SND1: variants seen among roughly 807,000 people sequenced by gnomAD.
The protein encoded by SND1 is staphylococcal nuclease and tudor domain containing 1, also known as staphylococcal nuclease domain-containing protein 1.
A neutral mutation model predicts 121.7 loss-of-function variants in SND1; 38 were observed. That is an observed-to-expected ratio of 0.31 (90% confidence interval 0.24 to 0.41). The LOEUF (loss-of-function observed/expected upper bound fraction) is 0.41. SND1 is among the 10% of genes least tolerant of loss of function. The pLI is 1.00. For synonymous variants in SND1, 401 were observed against 447.4 expected, an observed-to-expected ratio of 0.90 and a Z score of 1.31; for missense variants, 868 against 1,184.6, an observed-to-expected ratio of 0.73 and a Z score of 3.92.
intron 9 of SND1, among the ~76,000 whole-genome samples, chr7:127,713,631 A>G (rs1587614306): frequency 6.6e-6 from 1 of 152,242 alleles, no homozygotes; most frequent in South Asian, 2.1e-4. Context: ...AGGGTAACCT[A>G]TGGCCTCTAA....
chr7:127,902,807 C>A (rs1022920079), intron 13 of SND1, among the ~76,000 whole-genome samples: 4 of 152,112 alleles, frequency 2.6e-5, no homozygotes, highest in African/African-American at 9.7e-5. Context: ...ACCTCCACCT[C>A]CTGAGTTCAA....
chr7:127,868,257 C>T (rs930603763), intron 12 of SND1, among the ~76,000 whole-genome samples: 4 of 152,020 alleles, frequency 2.6e-5, no homozygotes, highest in Admixed American at 1.3e-4. Flanking sequence ...TAGCAGCATG[C>T]GCCTATAGTC....
intron 10 of SND1, among the ~76,000 whole-genome samples, chr7:127,798,026 TAGA>T (rs1182073818): frequency 6.6e-6 from 1 of 152,188 alleles, no homozygotes; most frequent in Non-Finnish European, 1.5e-5. Flanking sequence ...TGTAATTGAG[TAGA>T]AGAACACTCT....
chr7:127,808,535 A>G (rs1798281115), intron 11 of SND1, among the ~76,000 whole-genome samples: 1 of 152,202 alleles, frequency 6.6e-6, no homozygotes, highest in South Asian at 2.1e-4. Context: ...TATAAATACA[A>G]CCATTTTTAT....
At chr7:127,970,445 T>G (rs1471618836) in intron 15 of SND1, among the ~76,000 whole-genome samples, 1 of 152,214 alleles carries the variant, frequency 6.6e-6, no homozygotes, top group Non-Finnish European at 1.5e-5. Flanking sequence ...AGCTATAACA[T>G]TTTGTGATTC....
At chr7:128,088,917 G>GT (rs1227605107) in intron 21 of SND1, among the ~76,000 whole-genome samples, 10 of 152,158 alleles carry the variant, frequency 6.6e-5, no homozygotes, top group African/African-American at 2.2e-4. Context: ...GGGCAGGTGG[G>GT]TGGGAGCACA....
intron 10 of SND1, among the ~76,000 whole-genome samples, chr7:127,765,804 G>T (rs1797399942): frequency 6.6e-6 from 1 of 152,072 alleles, no homozygotes; most frequent in South Asian, 2.1e-4. Flanking sequence ...TAATTAATAG[G>T]TTTGCAGCAC....
chr7:127,785,963 A>C (rs1797804981), intron 10 of SND1, among the ~76,000 whole-genome samples: 2 of 152,224 alleles, frequency 1.3e-5, no homozygotes, highest in South Asian at 4.1e-4. Flanking sequence ...GTACAGAAGA[A>C]AATAAAACAA....
chr7:127,801,306 A>AT (rs1798123675), intron 10 of SND1, among the ~76,000 whole-genome samples: 1 of 152,070 alleles, frequency 6.6e-6, no homozygotes, highest in Non-Finnish European at 1.5e-5. Flanking sequence ...CTCAATTTAC[A>AT]TTTTTCTGAC....
At chr7:127,788,948 T>A (rs1435584454) in intron 10 of SND1, among the ~76,000 whole-genome samples, 2 of 152,232 alleles carry the variant, frequency 1.3e-5, no homozygotes, top group Non-Finnish European at 2.9e-5. Flanking sequence ...GTTCTTATAG[T>A]ACCTTGTATA....
chr7:127,983,744 T>A (rs1349248659), intron 15 of SND1, among the ~76,000 whole-genome samples: 1 of 152,144 alleles, frequency 6.6e-6, no homozygotes, highest in East Asian at 1.9e-4. Context: ...ATATATAAAA[T>A]GAAATCACAA....
At chr7:127,693,378 T>C (rs1046710606) in intron 2 of SND1, among the ~76,000 whole-genome samples, 1 of 152,196 alleles carries the variant, frequency 6.6e-6, no homozygotes, top group Non-Finnish European at 1.5e-5. Flanking sequence ...TGTGAGCAAG[T>C]ATCTGTTCAT....
At chr7:127,936,413 G>A (rs895769980) in intron 15 of SND1, among the ~76,000 whole-genome samples, 1 of 152,042 alleles carries the variant, frequency 6.6e-6, no homozygotes, top group African/African-American at 2.4e-5. Flanking sequence ...AGTGGTTCAC[G>A]CAGTTTTTAT....
chr7:127,858,139 G>T (rs1211021996), intron 12 of SND1: 1 of 846,032 alleles, frequency 1.2e-6, no homozygotes, highest in East Asian at 2.4e-5. Flanking sequence ...TAGGGAGTGT[G>T]GGGGTGTGGG....
intron 10 of SND1, among the ~76,000 whole-genome samples, chr7:127,725,056 A>G (rs966932442): frequency 2.0e-5 from 3 of 152,246 alleles, no homozygotes; most frequent in Non-Finnish European, 2.9e-5. Flanking sequence ...GCTCTTATAA[A>G]GAATACAAGA....
At chr7:128,090,110 A>G (rs1342833208) in intron 22 of SND1, among the ~76,000 whole-genome samples, 1 of 152,124 alleles carries the variant, frequency 6.6e-6, no homozygotes, top group Non-Finnish European at 1.5e-5. Context: ...AGGCAGCACC[A>G]AAGGGCCCAG....
At chr7:127,850,605 C>G (rs1201649856) in intron 12 of SND1, among the ~76,000 whole-genome samples, 4 of 152,172 alleles carry the variant, frequency 2.6e-5, no homozygotes, top group African/African-American at 9.7e-5. Context: ...TGAAGGAACA[C>G]AAGACACTAG....
chr7:127,932,591 A>C (rs1004041386), intron 15 of SND1, among the ~76,000 whole-genome samples: 1 of 152,212 alleles, frequency 6.6e-6, no homozygotes, highest in African/African-American at 2.4e-5. Context: ...CAGTGAATGA[A>C]ATGCTATCCC....
intron 12 of SND1, among the ~76,000 whole-genome samples, chr7:127,854,819 T>C (rs927400980): frequency 6.6e-6 from 1 of 151,906 alleles, no homozygotes; most frequent in Non-Finnish European, 1.5e-5. Context: ...GGAATGGAGT[T>C]TTTATAAATT....
Sources: gnomAD v4.1 joint callset for allele counts (sites outside exome capture counted in the v4.1 genomes callset) on GRCh38, gnomAD v4.1.1 for gene constraint, MANE v1.5 for transcripts, NCBI Gene and HGNC (gene_info 2026-07-23, HGNC 2026-07-21) for gene names.